The following POTEF variants were observed in gnomAD, a reference collection of about 807,000 sequenced individuals.
POTEF encodes the protein ANKRD26-like family C member 1B.
POTEF carries 20 observed loss-of-function variants against 83.2 expected under a neutral mutation model. The ratio of observed to expected loss-of-function variants is 0.24; its 90% CI spans 0.17 to 0.35. The LOEUF (loss-of-function observed/expected upper bound fraction) is 0.35, where lower values mean the gene tolerates loss of function less well. Ranked by LOEUF, POTEF falls within the 10% of genes least tolerant of loss-of-function variation. POTEF has a pLI of 1.00. For synonymous variants in POTEF, 196 were observed against 446.4 expected (o/e 0.44, Z 7.07); for missense variants, 550 against 1,203.2 (o/e 0.46, Z 8.03).
intron 2 of POTEF, among the ~76,000 whole-genome samples, chr2:130,126,036 G>A (rs1685083383): frequency 6.6e-6 from 1 of 151,570 alleles, no homozygotes; most frequent in African/African-American, 2.4e-5. Context: ...AGGCGTGGTG[G>A]CTCACACCTC....
At chr2:130,104,664 C>T (rs1299132458) in intron 8 of POTEF, among the ~76,000 whole-genome samples, 4 of 151,570 alleles carry the variant, frequency 2.6e-5, no homozygotes, top group South Asian at 2.1e-4. Context: ...TCCTTGCTCG[C>T]TCTTTTCTGG....
chr2:130,126,925 G>A (rs866133592), intron 2 of POTEF, among the ~76,000 whole-genome samples: 10 of 152,052 alleles, frequency 6.6e-5, no homozygotes, highest in African/African-American at 1.9e-4. Context: ...ACTAGAATAA[G>A]CAAAAAGAAC....
intron 2 of POTEF, among the ~76,000 whole-genome samples, chr2:130,126,303 C>CAAAAAAA (rs754556482): frequency 5.7e-5 from 7 of 122,660 alleles, no homozygotes; most frequent in African/African-American, 8.7e-5. Context: ...AACTCCATCT[C>CAAAAAAA]AAAAAAAAAA....
chr2:130,118,268 A>C (rs965328181), intron 3 of POTEF, among the ~76,000 whole-genome samples: 13 of 151,908 alleles, frequency 8.6e-5, no homozygotes, highest in Non-Finnish European at 1.5e-4. Context: ...TTAAATAGAA[A>C]ACAGTATTTC....
At chr2:130,128,541 C>T (rs1314692394) in intron 1 of POTEF, among the ~76,000 whole-genome samples, 1 of 91,522 alleles carries the variant, frequency 1.1e-5, no homozygotes, top group Non-Finnish European at 2.3e-5. Flanking sequence ...GGCAGTGTAA[C>T]CCCAATACCC....
intron 1 of POTEF, among the ~76,000 whole-genome samples, chr2:130,128,736 A>G (rs1573621498): frequency 7.5e-6 from 1 of 133,034 alleles, no homozygotes; most frequent in Non-Finnish European, 1.6e-5. Context: ...CTCCTAAACC[A>G]CCCCCCGCTG....
chr2:130,120,753 A>G, intron 2 of POTEF, 145 bp from the exon 3 acceptor site: 1 of 770,380 alleles, frequency 1.3e-6, no homozygotes, highest in Non-Finnish European at 2.0e-6. Flanking sequence ...CCACCCCAGA[A>G]AGGGCCAACC....
At chr2:130,101,217 T>C (rs1031919234) in intron 9 of POTEF, among the ~76,000 whole-genome samples, 3 of 147,956 alleles carry the variant, frequency 2.0e-5, no homozygotes, top group Admixed American at 6.7e-5. Context: ...ATTTAAATTA[T>C]TAGGAGCCGA....
intron 16 of POTEF, 100 bp from the exon 17 acceptor site, chr2:130,075,672 A>AT: frequency 6.9e-7 from 1 of 1,441,844 alleles, no homozygotes; most frequent in South Asian, 1.4e-5. Context: ...TAATGAAAGA[A>AT]TCCCCATAGT....
intron 3 of POTEF, among the ~76,000 whole-genome samples, chr2:130,117,563 A>AT (rs1045444859): frequency 6.6e-6 from 1 of 151,820 alleles, no homozygotes; most frequent in South Asian, 2.1e-4. Context: ...TGTGTAACCG[A>AT]TTTTTTTTCT....
At chr2:130,128,745 T>A (rs1471314392) in intron 1 of POTEF, among the ~76,000 whole-genome samples, 1 of 104,592 alleles carries the variant, frequency 9.6e-6, no homozygotes, top group Non-Finnish European at 2.0e-5. Context: ...CACCCCCCGC[T>A]GCCAGCATTG....
At chr2:130,125,993 TGAC>T (rs1685082238) in intron 2 of POTEF, among the ~76,000 whole-genome samples, 1 of 151,304 alleles carries the variant, frequency 6.6e-6, no homozygotes, top group African/African-American at 2.4e-5. Context: ...CTCAGGCAGA[TGAC>T]AATACTCTTG....
At chr2:130,113,810 CA>C (rs1407210686) in intron 5 of POTEF, among the ~76,000 whole-genome samples, 1 of 151,522 alleles carries the variant, frequency 6.6e-6, no homozygotes, top group African/African-American at 2.4e-5. Context: ...GTGCAACAGA[CA>C]ATTACTTCAG....
chr2:130,096,500 A>ATC (rs1684238957), intron 11 of POTEF, among the ~76,000 whole-genome samples: 1 of 132,324 alleles, frequency 7.6e-6, no homozygotes, highest in African/African-American at 2.9e-5. Flanking sequence ...TCAGTAGCCC[A>ATC]ATTTTGGATC....
At chr2:130,128,455 G>A (rs1261662118) in intron 1 of POTEF, among the ~76,000 whole-genome samples, 1 of 149,662 alleles carries the variant, frequency 6.7e-6, no homozygotes, top group East Asian at 2.0e-4. Flanking sequence ...AGCCCCCATA[G>A]CAACCCTAAC....
At position 130,075,078 on chromosome 2, in the gene POTEF, G is replaced by A. The variant is rs375441303; in HGVS notation, c.2394C>T (p.Pro798=). 92 of 1,613,770 alleles carry A rather than the reference G, an allele frequency of 5.7e-5. 1 individual carries two copies. In the African/African-American group the frequency reaches 7.1e-4, roughly 12 times the overall value. Residue 798 remains proline (P), a synonymous_variant, in exon 17 of 17, where the codon CCC becomes CCT. Transcript: ENST00000409914. ...CGGTCAGCAGGACGGGGTGCTCCTCGGGAGCCACACGCAGCTCGTTGTAGA... is the reference window on the plus strand; with the variant it reads ...CGGTCAGCAGGACGGGGTGCTCCTCAGGAGCCACACGCAGCTCGTTGTAGA... The part of the protein sequence containing the change: ...HTFYNELRVA[P]EEHPVLLTEA...
chr2:130,125,456 G>C (rs1380329866), intron 2 of POTEF, among the ~76,000 whole-genome samples: 1 of 149,378 alleles, frequency 6.7e-6, no homozygotes, highest in Non-Finnish European at 1.5e-5. Flanking sequence ...CATTTCTACG[G>C]GCTTGAAAAA....
intron 7 of POTEF, among the ~76,000 whole-genome samples, chr2:130,108,487 A>C (rs1237727488): frequency 1.3e-5 from 2 of 151,822 alleles, no homozygotes; most frequent in Non-Finnish European, 1.5e-5. Flanking sequence ...AGATTTAACG[A>C]GATAACATTT....
At chr2:130,122,339 G>T (rs1487450066) in intron 2 of POTEF, among the ~76,000 whole-genome samples, 1 of 148,864 alleles carries the variant, frequency 6.7e-6, no homozygotes, top group Non-Finnish European at 1.5e-5. Flanking sequence ...TGAGTCATGT[G>T]GTAATTCTGT....
Sources: allele counts gnomAD v4.1 joint callset (sites outside exome capture counted in the v4.1 genomes callset), GRCh38; gene constraint gnomAD v4.1.1; transcripts MANE v1.5; gene names NCBI Gene and HGNC (gene_info 2026-07-23, HGNC 2026-07-21).